The following PDE11A variants were observed in gnomAD, a reference collection of about 807,000 sequenced individuals.
The protein encoded by PDE11A is dual 3',5'-cyclic-AMP and -GMP phosphodiesterase 11A.
In PDE11A, 100 loss-of-function variants were observed where a neutral mutation model predicts 100.5. That is an observed-to-expected ratio of 1.00 (90% confidence interval 0.85 to 1.18). The LOEUF is 1.18. Among genes scored for constraint, PDE11A ranks in the 50% most tolerant of loss-of-function variants. PDE11A has a pLI of 0.00. For missense variants in PDE11A, 1,141 were observed against 1,152.6 expected (o/e 0.99, Z 0.15); for synonymous variants, 381 against 420.8 (o/e 0.91, Z 1.16).
Position 177,693,167 on chromosome 2 carries a change from C to G in PDE11A, c.2345+4165G>C, listed in dbSNP as rs200454825. Among the ~76,000 whole-genome samples the G allele has an allele frequency of 3.9e-5, 6 of 152,214 alleles. No homozygotes were observed. The East Asian group carries it at 5.8e-4, about 15-fold the overall frequency. On this transcript the variant is annotated intron_variant, in intron 15 of 19. Transcript: ENST00000286063. ...CTTGGCTCACCCACCCCTCTCCTGC[C>G]ATTGCTGCTACACGCAGTGCCTCAG...
intron 10 of PDE11A, among the ~76,000 whole-genome samples, chr2:177,745,030 T>C (rs1304395483): frequency 6.6e-6 from 1 of 152,220 alleles, no homozygotes; most frequent in Admixed American, 6.5e-5. Flanking sequence ...CATAACCTAG[T>C]GAAAGTTGCT....
Position 177,624,310 on chromosome 2 carries a change from C to G in PDE11A, c.*5097G>C, listed in dbSNP as rs1315713257. 2 of 149,156 alleles carry G rather than the reference C, an allele frequency of 1.3e-5. No individual in the cohort carries two copies. The highest frequency in any genetic ancestry group is 3.0e-5 in the Non-Finnish European group (2 of 67,414). 9.2% of individuals were successfully genotyped at this position (149,156 alleles called of 1,614,324 possible). On this transcript the variant is annotated 3_prime_UTR_variant, in exon 20 of 20. Coordinates refer to ENST00000286063, the MANE Select transcript of PDE11A (RefSeq NM_016953.4). Reference sequence around the variant, plus strand: ...TTTTTCTTTATATTTAAATCTTTCCCTAGTATGTCTAGGTTTCTGTCCCAC... The same window carrying G: ...TTTTTCTTTATATTTAAATCTTTCCGTAGTATGTCTAGGTTTCTGTCCCAC...
intron 2 of PDE11A, among the ~76,000 whole-genome samples, chr2:177,908,475 C>T (rs1191215540): frequency 2.0e-5 from 3 of 152,108 alleles, no homozygotes; most frequent in Admixed American, 2.0e-4. Flanking sequence ...GCAGGGCCCT[C>T]GCCTCCAGGT....
intron 2 of PDE11A, among the ~76,000 whole-genome samples, chr2:177,958,926 G>A (rs1391628032): frequency 1.3e-5 from 2 of 152,116 alleles, no homozygotes; most frequent in Non-Finnish European, 2.9e-5. Flanking sequence ...TTACATTCCA[G>A]GTACTGTGCT....
rs2079934468 is a variant in PDE11A, at chr2:177,631,536, T to TGG, written c.2647-1975_2647-1974insCC. ...AAATATATATATATATATATATATA[T>TGG]ATATATATATACACATGTATATATA... On this transcript the variant is annotated intron_variant, in intron 19 of 19. Transcript: ENST00000286063. Among the ~76,000 whole-genome samples, 3 of 20,364 alleles carry TGG rather than the reference T, an allele frequency of 1.5e-4. 1 individual carries two copies. Among genetic ancestry groups the TGG allele is most frequent in the Non-Finnish European group, 2.9e-4 (3 of 10,506 alleles). 13.4% of individuals were successfully genotyped at this position (20,364 alleles called of 152,430 possible). A position where few individuals can be genotyped will look rare whatever the true frequency, so the allele number is the denominator to read the frequency against.
chr2:178,021,307 T>G (rs952601331), intron 1 of PDE11A, among the ~76,000 whole-genome samples: 2 of 152,158 alleles, frequency 1.3e-5, no homozygotes, highest in African/African-American at 2.4e-5. Flanking sequence ...TCTTAGGACA[T>G]GCTTTGTCTG....
chr2:178,077,807 G>A (rs1392781936), intron 2 of PDE11A, among the ~76,000 whole-genome samples: 2 of 152,086 alleles, frequency 1.3e-5, no homozygotes, highest in Non-Finnish European at 2.9e-5. Flanking sequence ...GACACACAGA[G>A]GAGAAGGTAG....
intron 2 of PDE11A, among the ~76,000 whole-genome samples, chr2:177,942,159 T>C (rs535375927): frequency 1.7e-4 from 26 of 152,348 alleles, no homozygotes; most frequent in African/African-American, 4.8e-4. Context: ...ATTGCTGAGG[T>C]TGGGACCCTG....
intron 2 of PDE11A, chr2:178,104,261 T>C (rs749900214): frequency 1.0e-5 from 16 of 1,572,310 alleles, no homozygotes; most frequent in Non-Finnish European, 1.3e-5. Context: ...TATTCTTTCC[T>C]ACAGTGTATC....
intron 2 of PDE11A, among the ~76,000 whole-genome samples, chr2:177,925,122 T>C (rs940770171): frequency 6.6e-6 from 1 of 150,578 alleles, no homozygotes; most frequent in Non-Finnish European, 1.5e-5. Context: ...CTTAATCCAG[T>C]CTATCATTGT....
intron 4 of PDE11A, among the ~76,000 whole-genome samples, chr2:177,884,188 C>A (rs771818426): frequency 2.6e-4 from 40 of 152,040 alleles, no homozygotes; most frequent in Non-Finnish European, 4.6e-4. Context: ...TGTGCTCCCC[C>A]AAAATAGTAA....
In PDE11A at chr2:178,087,326, C is replaced by G. The variant is rs549808833; in HGVS notation, c.162+16976G>C. Among the ~76,000 whole-genome samples, 30 of 150,580 alleles carry G rather than the reference C, an allele frequency of 2.0e-4. 1 individual carries two copies. Among genetic ancestry groups the G allele is most frequent in the Admixed American group, 2.0e-3 (30 of 15,074 alleles). On this transcript the variant is annotated intron_variant, in intron 2 of 20. Coordinates refer to the PDE11A transcript ENST00000358450. ...CAAGATCGCGCCATTACACTCCACC[C>G]TGGATGACTAGAGCAAGACTCCAAC... is the stretch of plus-strand genomic sequence containing the variant.
chr2:177,712,720 C>G lies in PDE11A; in HGVS notation c.2044-842G>C, dbSNP rs547413104. Among the ~76,000 whole-genome samples, 7 of 152,238 alleles carry G rather than the reference C, an allele frequency of 4.6e-5. No homozygotes were observed. In the East Asian group the frequency reaches 1.4e-3, roughly 29 times the overall value. On this transcript the variant is annotated intron_variant, in intron 12 of 19. Coordinates refer to ENST00000286063, the MANE Select transcript of PDE11A (RefSeq NM_016953.4). ...CATTAGTTTAGAAGAGGAAGTGGAC[C>G]TCTGGGAATGCAGGTCTATGCATTT...
intron 18 of PDE11A, among the ~76,000 whole-genome samples, chr2:177,664,176 G>A (rs182133421): frequency 1.2e-4 from 19 of 152,078 alleles, no homozygotes; most frequent in Non-Finnish European, 1.9e-4. Context: ...ACTTTCTAGC[G>A]TGCAACTTCT....
intron 4 of PDE11A, among the ~76,000 whole-genome samples, chr2:177,877,556 AC>A (rs76516651): frequency 0.011 from 1,725 of 152,284 alleles, 26 homozygotes; most frequent in East Asian, 0.075. Flanking sequence ...GGGCATGGGG[AC>A]ATTCCTCAGT....
intron 4 of PDE11A, among the ~76,000 whole-genome samples, chr2:177,894,505 G>A (rs1024088860): frequency 7.9e-5 from 12 of 151,964 alleles, no homozygotes; most frequent in African/African-American, 2.9e-4. Context: ...TTGGCCAAGG[G>A]GACCCAAGAA....
At chr2:177,933,308 A>G (rs2085232495) in intron 2 of PDE11A, among the ~76,000 whole-genome samples, 2 of 152,198 alleles carry the variant, frequency 1.3e-5, no homozygotes. Context: ...GTCATTTTTC[A>G]TAGAATTGGA....
intron 9 of PDE11A, among the ~76,000 whole-genome samples, chr2:177,811,844 C>T (rs1244788874): frequency 6.6e-6 from 1 of 152,120 alleles, no homozygotes; most frequent in African/African-American, 2.4e-5. Context: ...GCTGCACTTG[C>T]GATGCTTCTG....
intron 1 of PDE11A, among the ~76,000 whole-genome samples, chr2:178,064,681 G>A (rs969087253): frequency 3.3e-5 from 5 of 151,578 alleles, no homozygotes; most frequent in Admixed American, 6.6e-5. Flanking sequence ...ACACCCTGCC[G>A]GGCTCAGTGG....
Sources: gnomAD v4.1 joint callset for allele counts (sites outside exome capture counted in the v4.1 genomes callset) on GRCh38, gnomAD v4.1.1 for gene constraint, MANE v1.5 for transcripts, NCBI Gene and HGNC (gene_info 2026-07-23, HGNC 2026-07-21) for gene names.